The following GNG7 variants were observed in gnomAD, a reference collection of about 807,000 sequenced individuals.
GNG7 encodes guanine nucleotide-binding protein G(I)/G(S)/G(O) subunit gamma-7.
In GNG7, 1 loss-of-function variant was observed where a neutral mutation model predicts 4.0. That is an observed-to-expected ratio of 0.25 (90% confidence interval 0.09 to 1.18). GNG7 has a LOEUF of 1.18. Among genes scored for constraint, GNG7 ranks in the 50% most tolerant of loss-of-function variants. GNG7 has a pLI of 0.50. For missense variants in GNG7, 86 were observed against 91.9 expected, an observed-to-expected ratio of 0.94 and a Z score of 0.26; for synonymous variants, 34 against 36.9, an observed-to-expected ratio of 0.92 and a Z score of 0.29.
chr19:2,571,270 G>C (rs1053547131), intron 2 of GNG7, among the ~76,000 whole-genome samples: 1 of 152,140 alleles, frequency 6.6e-6, no homozygotes, highest in Non-Finnish European at 1.5e-5. Context: ...CAACATTTTT[G>C]GAAGAAAATG....
chr19:2,648,031 A>C (rs1982713726), intron 1 of GNG7, among the ~76,000 whole-genome samples: 1 of 128,652 alleles, frequency 7.8e-6, no homozygotes, highest in Middle Eastern at 3.3e-3. Context: ...CTGTCTCAAA[A>C]AAAAAAAAAA....
Position 2,636,710 on chromosome 19 carries a change from GC to G in GNG7, c.-78+9513del, listed in dbSNP as rs1230081655. Among the ~76,000 whole-genome samples, 8 of 152,262 alleles carry G rather than the reference GC, an allele frequency of 5.3e-5. No homozygotes were observed. In the South Asian group the frequency reaches 1.0e-3, roughly 20 times the overall value. ...AGAGGCTCTGAGTGTGCCCACAGGG[GC>G]CCCTAGGGCAGGGGCCAACCATCTG... On this transcript the variant is annotated intron_variant, in intron 2 of 4. Transcript: ENST00000382159.
rs1029740832 is a variant in GNG7, at chr19:2,634,159, C to T, written c.-78+12065G>A. On this transcript the variant is annotated intron_variant, in intron 2 of 4. Coordinates refer to ENST00000382159, the MANE Select transcript of GNG7 (RefSeq NM_052847.3). The surrounding 1 kb of genome is among the most constrained non-coding windows in gnomAD (Gnocchi z 5.3). ...CTGCCCCACTGGGCGTTTATGGTGC[C>T]TATCATGAGCAGGAAAATAACTCGA... is the stretch of plus-strand genomic sequence containing the variant. Among the ~76,000 whole-genome samples, 1 of 152,172 alleles carries T rather than the reference C, an allele frequency of 6.6e-6. No homozygotes were observed. The highest frequency in any genetic ancestry group is 1.9e-4 in the East Asian group (1 of 5,174).
At chr19:2,543,604 C>T (rs995232775) in intron 3 of GNG7, among the ~76,000 whole-genome samples, 2 of 152,112 alleles carry the variant, frequency 1.3e-5, no homozygotes, top group African/African-American at 4.8e-5. Flanking sequence ...CTCCATGAGC[C>T]GAGCAAACCG....
At chr19:2,631,405 G>A (rs1046291206) in intron 2 of GNG7, among the ~76,000 whole-genome samples, 2 of 152,216 alleles carry the variant, frequency 1.3e-5, no homozygotes, top group Admixed American at 6.5e-5. Context: ...GATAACTCAA[G>A]GCCTCTAGGC....
At chr19:2,561,599 C>T (rs538173233) in intron 2 of GNG7, among the ~76,000 whole-genome samples, 40 of 151,854 alleles carry the variant, frequency 2.6e-4, no homozygotes, top group Non-Finnish European at 5.1e-4. Flanking sequence ...ACTGGTTGGC[C>T]GGGCGCAGTG....
chr19:2,683,947 G>A (rs149981640), intron 1 of GNG7, among the ~76,000 whole-genome samples: 1 of 152,186 alleles, frequency 6.6e-6, no homozygotes, highest in African/African-American at 2.4e-5. Context: ...GCCCCAGGGG[G>A]CCGAGCTGCA....
Position 2,633,487 on chromosome 19 carries a change from G to GCGCGCGCACACA in GNG7, c.-78+12736_-78+12737insTGTGTGCGCGCG, listed in dbSNP as rs1250581952. Among the ~76,000 whole-genome samples the GCGCGCGCACACA allele has an allele frequency of 7.7e-5, 8 of 103,808 alleles. No homozygotes were observed. The highest frequency in any genetic ancestry group is 7.8e-5 in the African/African-American group (2 of 25,530). The allele number at this position is 103,808 out of a possible 152,430, so 68.1% of individuals were successfully genotyped here. A position where few individuals can be genotyped will look rare whatever the true frequency, so the allele number is the denominator to read the frequency against. On this transcript the variant is annotated intron_variant, in intron 2 of 4. Coordinates refer to ENST00000382159, the MANE Select transcript of GNG7 (RefSeq NM_052847.3). The surrounding 1 kb of genome is among the most constrained non-coding windows in gnomAD (Gnocchi z 5.9). ...TAGCAACAGGCGCGCGCGCGCGCGC[G>GCGCGCGCACACA]CACACACACACACACACACACACAC...
intron 1 of GNG7, among the ~76,000 whole-genome samples, chr19:2,677,253 A>ATTTTTT (rs60983729): frequency 2.7e-4 from 40 of 145,582 alleles, no homozygotes; most frequent in African/African-American, 1.0e-3. Context: ...AGAGAATTCC[A>ATTTTTT]TTTTTTTTTT....
intron 2 of GNG7, chr19:2,610,956 G>C (rs1981540455): frequency 6.9e-6 from 1 of 145,886 alleles, no homozygotes; most frequent in African/African-American, 2.6e-5. Flanking sequence ...CAGGCGGTGG[G>C]GACGAGGGGG....
chr19:2,539,988 TTTCC>T (rs1338222184), intron 3 of GNG7, among the ~76,000 whole-genome samples: 1 of 147,128 alleles, frequency 6.8e-6, no homozygotes, highest in Non-Finnish European at 1.5e-5. Context: ...TCTCTCTCTC[TTTCC>T]TTCCTTTTTT....
intron 1 of GNG7, among the ~76,000 whole-genome samples, chr19:2,674,364 G>C (rs771577744): frequency 1.6e-4 from 24 of 152,122 alleles, no homozygotes; most frequent in African/African-American, 4.6e-4. Flanking sequence ...ACTCTTGAAG[G>C]GAATCAGAAT....
At position 2,557,192 on chromosome 19, in the gene GNG7, C is replaced by G. The variant is rs1283160041; in HGVS notation, c.-77-2004G>C. 4.0e-5 allele frequency among the ~76,000 whole-genome samples: 6 copies of G among 151,706 alleles called. No individual in the cohort carries two copies. Among genetic ancestry groups the G allele is most frequent in the Non-Finnish European group, 8.8e-5 (6 of 67,966 alleles). On this transcript the variant is annotated intron_variant, in intron 2 of 4. Coordinates refer to ENST00000382159, the MANE Select transcript of GNG7 (RefSeq NM_052847.3). This position sits in a 1 kb window ranked among gnomAD's most constrained non-coding sequence, Gnocchi z 5.1. Reference sequence around the variant, plus strand: ...CACACACGTACACACAAGACACGTGCACACACATTTGCATGCACACACAGA... The same window carrying G: ...CACACACGTACACACAAGACACGTGGACACACATTTGCATGCACACACAGA...
chr19:2,519,090 C>G (rs906702378), intron 4 of GNG7, among the ~76,000 whole-genome samples: 1 of 150,032 alleles, frequency 6.7e-6, no homozygotes, highest in Non-Finnish European at 1.5e-5. Flanking sequence ...GTCACCGTGC[C>G]TGGCCAGTTA....
chr19:2,593,041 A>AGAAGGAAG (rs1270843844), intron 2 of GNG7, among the ~76,000 whole-genome samples: 1 of 147,794 alleles, frequency 6.8e-6, no homozygotes, highest in African/African-American at 2.5e-5. Flanking sequence ...AAGGAAGGAA[A>AGAAGGAAG]GAAGGAAGGA....
intron 2 of GNG7, chr19:2,642,565 C>G (rs950314859): frequency 2.8e-6 from 1 of 355,524 alleles, no homozygotes; most frequent in Non-Finnish European, 5.5e-6. Context: ...GGGGTTTCAC[C>G]ATGTTGCCTG....
intron 2 of GNG7, among the ~76,000 whole-genome samples, chr19:2,583,870 G>T (rs1980569297): frequency 6.6e-6 from 1 of 152,050 alleles, no homozygotes; most frequent in Non-Finnish European, 1.5e-5. Flanking sequence ...TGATAATGTG[G>T]AAAGATTCCC....
chr19:2,549,435 C>T (rs8112463), intron 3 of GNG7, among the ~76,000 whole-genome samples: 6,613 of 151,896 alleles, frequency 0.044, 491 homozygotes, highest in African/African-American at 0.15. Flanking sequence ...AGATTACAGG[C>T]GCCCGCCACC....
intron 3 of GNG7, among the ~76,000 whole-genome samples, chr19:2,550,241 G>A (rs553668070): frequency 2.6e-5 from 4 of 152,142 alleles, no homozygotes; most frequent in Admixed American, 6.6e-5. Context: ...ATTTTGAGAC[G>A]GAGTCTTGCT....
Sources: allele counts gnomAD v4.1 joint callset (sites outside exome capture counted in the v4.1 genomes callset), GRCh38; gene constraint gnomAD v4.1.1; non-coding constraint Gnocchi (gnomAD v3.1); transcripts MANE v1.5; gene names NCBI Gene and HGNC (gene_info 2026-07-23, HGNC 2026-07-21).